FARP2: variants seen among roughly 807,000 people sequenced by gnomAD.
The protein encoded by FARP2 is FERM, ARHGEF and pleckstrin domain-containing protein 2.
In FARP2, 111 loss-of-function variants were observed where a neutral mutation model predicts 130.5. The observed-to-expected ratio is 0.85, with a 90% CI of 0.73 to 1.00. FARP2 has a LOEUF of 1.00. Among genes scored for constraint, FARP2 ranks in the 50% least tolerant of loss-of-function variants. The pLI is 0.00. For missense variants in FARP2, 1,385 were observed against 1,346.3 expected, an observed-to-expected ratio of 1.03 and a Z score of -0.45; for synonymous variants, 504 against 516.9, an observed-to-expected ratio of 0.98 and a Z score of 0.34.
chr2:241,435,077 A>C (rs765651310), intron 11 of FARP2, 47 bp downstream of exon 11: 33 of 1,135,144 alleles, frequency 2.9e-5, no homozygotes, highest in Non-Finnish European at 4.0e-5. Context: ...TTAAAATTAA[A>C]ATTTAAATAT....
At position 241,413,401 on chromosome 2, in the gene FARP2, A is replaced by C. The variant is rs1190999716; in HGVS notation, c.603A>C (p.Leu201=). The change falls in exon 7 of 27, where the codon CTA becomes CTC. Residue 201 remains leucine (L), a synonymous_variant. Transcript: ENST00000264042. ...PGQQHCLEKI[L]EFHQKHVGQT... The stretch of plus-strand genomic sequence containing the variant: ...AGCAGCACTGCCTTGAGAAGATACT[A>C]GAATTCCATCAGAAGCACGTGTAAG... 1 of 1,610,182 alleles carries C rather than the reference A, an allele frequency of 6.2e-7. No individual in the cohort carries two copies. The highest frequency in any genetic ancestry group is 8.5e-7 in the Non-Finnish European group (1 of 1,178,010).
At chr2:241,452,689 C>T (rs1242313091) in intron 13 of FARP2, among the ~76,000 whole-genome samples, 1 of 151,830 alleles carries the variant, frequency 6.6e-6, no homozygotes, top group Non-Finnish European at 1.5e-5. Flanking sequence ...ATCTGTAATC[C>T]CAGCACTTTG....
chr2:241,420,011 T>C (rs1201617666), intron 8 of FARP2, among the ~76,000 whole-genome samples: 1 of 151,988 alleles, frequency 6.6e-6, no homozygotes, highest in African/African-American at 2.4e-5. Flanking sequence ...ATTCATTGGG[T>C]GTAGTGGCAT....
chr2:241,372,368 A>C (rs1397031314), intron 1 of FARP2, among the ~76,000 whole-genome samples: 1 of 152,142 alleles, frequency 6.6e-6, no homozygotes, highest in African/African-American at 2.4e-5. Flanking sequence ...GCTGTCATTC[A>C]GTTCCATATG....
chr2:241,477,144 T>TTA (rs71049577), intron 19 of FARP2, among the ~76,000 whole-genome samples: 1 of 146,804 alleles, frequency 6.8e-6, no homozygotes, highest in South Asian at 2.2e-4. Context: ...TTTTTTTTTT[T>TTA]ATTTGAGACA....
chr2:241,422,473 A>G (rs925665709), intron 8 of FARP2, among the ~76,000 whole-genome samples: 18 of 152,068 alleles, frequency 1.2e-4, no homozygotes, highest in Admixed American at 8.5e-4. Flanking sequence ...AAGGTCAGCA[A>G]CCTCAAAGAT....
chr2:241,442,784 T>G, intron 13 of FARP2: 2 of 291,752 alleles, frequency 6.9e-6, no homozygotes, highest in Non-Finnish European at 6.7e-6. Context: ...GACCGATAAA[T>G]TAGTCTTTGT....
At chr2:241,385,581 A>C (rs544011786) in intron 2 of FARP2, among the ~76,000 whole-genome samples, 1 of 152,154 alleles carries the variant, frequency 6.6e-6, no homozygotes, top group East Asian at 1.9e-4. Context: ...TTAGCCAGGC[A>C]TGGTGGCTCA....
At chr2:241,462,969 C>T (rs1574875559) in intron 15 of FARP2, among the ~76,000 whole-genome samples, 1 of 152,186 alleles carries the variant, frequency 6.6e-6, no homozygotes, top group African/African-American at 2.4e-5. Context: ...GCTGGGATTA[C>T]AGGTATGAGC....
rs112563539 is a variant in FARP2, at chr2:241,443,254, AT to A, written c.1411+1709del. ...GTCCCAGTGCCAAAGGCACCATGTC[AT>A]TTTTTTTTTTAAAGGTGTCAAAGGG... On this transcript the variant is annotated intron_variant, in intron 13 of 26. Coordinates refer to ENST00000264042, the MANE Select transcript of FARP2 (RefSeq NM_014808.4). 2.8e-3 allele frequency: 418 copies of A among 149,576 alleles called. 1 individual carries two copies. Among genetic ancestry groups the A allele is most frequent in the African/African-American group, 7.2e-3 (293 of 40,448 alleles). 9.3% of individuals were successfully genotyped at this position (149,576 alleles called of 1,614,324 possible). A position where few individuals can be genotyped will look rare whatever the true frequency, so the allele number is the denominator to read the frequency against.
intron 6 of FARP2, among the ~76,000 whole-genome samples, chr2:241,411,826 G>T (rs777306646): frequency 6.6e-6 from 1 of 152,182 alleles, no homozygotes; most frequent in Non-Finnish European, 1.5e-5. Flanking sequence ...GTTATTTGCA[G>T]CTTCCTTGGT....
At chr2:241,445,674 T>G (rs2063497510) in intron 13 of FARP2, 2 of 152,256 alleles carry the variant, frequency 1.3e-5, no homozygotes, top group South Asian at 4.1e-4. Context: ...GAAAGAAGTA[T>G]GCAGATTTGA....
At chr2:241,413,220 T>G (rs952287062) in intron 6 of FARP2, 87 bp from the exon 7 acceptor site, 2 of 736,810 alleles carry the variant, frequency 2.7e-6, no homozygotes, top group South Asian at 2.2e-5. Flanking sequence ...TTGGGATAAT[T>G]TTTTTTTACT....
chr2:241,360,937 G>A (rs530905856), intron 1 of FARP2, among the ~76,000 whole-genome samples: 4 of 151,042 alleles, frequency 2.6e-5, no homozygotes, highest in Admixed American at 6.6e-5. Context: ...TCACATAGAC[G>A]TATTTGCTGT....
chr2:241,395,757 G>A (rs1463425967), intron 2 of FARP2: 1 of 152,060 alleles, frequency 6.6e-6, no homozygotes, highest in East Asian at 1.9e-4. Context: ...ACTATGTGGG[G>A]GGAAAAAAGG....
At chr2:241,443,533 G>C (rs976653275) in intron 13 of FARP2, 2 of 152,362 alleles carry the variant, frequency 1.3e-5, no homozygotes, top group African/African-American at 4.8e-5. Context: ...CCCATCCAGC[G>C]TACCCGTAAA....
intron 19 of FARP2, among the ~76,000 whole-genome samples, chr2:241,476,704 A>T (rs1027674295): frequency 6.6e-6 from 1 of 152,060 alleles, no homozygotes; most frequent in African/African-American, 2.4e-5. Flanking sequence ...TAAAATAAAT[A>T]AAATAAAATA....
chr2:241,443,502 G>A (rs572458541), intron 13 of FARP2: 1 of 152,456 alleles, frequency 6.6e-6, no homozygotes, highest in African/African-American at 2.4e-5. Context: ...AGGGGCAGGT[G>A]TGCCAAGGTG....
chr2:241,371,560 C>CTCGGAGCAATTAAGTTG (rs1462500883), intron 1 of FARP2, among the ~76,000 whole-genome samples: 3 of 152,144 alleles, frequency 2.0e-5, no homozygotes, highest in African/African-American at 7.2e-5. Context: ...GGCCAGGAGA[C>CTCGGAGCAATTAAGTTG]TCGGAGCAAT....
Sources: gnomAD v4.1 joint callset for allele counts (sites outside exome capture counted in the v4.1 genomes callset) on GRCh38, gnomAD v4.1.1 for gene constraint, MANE v1.5 for transcripts, NCBI Gene and HGNC (gene_info 2026-07-23, HGNC 2026-07-21) for gene names.